Variants in SGCG observed in about 807,000 individuals in gnomAD.
The protein encoded by SGCG is sarcoglycan gamma.
Under a neutral mutation model 29.3 loss-of-function variants are expected in SGCG, and 26 were observed. That is an observed-to-expected ratio of 0.89 (90% confidence interval 0.65 to 1.23). SGCG has a LOEUF of 1.23. Ranked by LOEUF, SGCG falls within the 50% of genes most tolerant of loss-of-function variation. The pLI is 0.00. For synonymous variants in SGCG, 145 were observed against 129.7 expected, an observed-to-expected ratio of 1.12 and a Z score of -0.80; for missense variants, 353 against 356.0, an observed-to-expected ratio of 0.99 and a Z score of 0.07.
chr13:23,172,710 G>A, the SGCG span, among the ~76,000 whole-genome samples: 2 of 152,198 alleles, frequency 1.3e-5, no homozygotes. Flanking sequence ...AGAGACTAAG[G>A]ATATGTAGGT....
At chr13:23,278,628 CTGAG>C (rs1881180903) in intron 4 of SGCG, among the ~76,000 whole-genome samples, 1 of 152,124 alleles carries the variant, frequency 6.6e-6, no homozygotes, top group South Asian at 2.1e-4. Flanking sequence ...GCGTGTGTAG[CTGAG>C]TGAGTGGGAG....
chr13:23,263,365 C>G (rs1030496873), intron 4 of SGCG, among the ~76,000 whole-genome samples: 2 of 151,982 alleles, frequency 1.3e-5, no homozygotes, highest in African/African-American at 4.8e-5. Context: ...TGCACACAAA[C>G]TAGAAAATCT....
chr13:23,245,715 C>T (rs537078368), intron 3 of SGCG: 20 of 152,244 alleles, frequency 1.3e-4, no homozygotes, highest in South Asian at 4.2e-4. Flanking sequence ...AATCCAAAAG[C>T]GACTTAGCAA....
intron 3 of SGCG, chr13:23,246,758 G>A (rs987615134): frequency 2.3e-5 from 5 of 213,724 alleles, no homozygotes; most frequent in East Asian, 1.1e-4. Context: ...GCAGCTGGCC[G>A]TCTCTCTTAA....
At chr13:23,324,300 A>G in intron 7 of SGCG, 68 bp from the exon 8 acceptor site, 2 of 1,444,348 alleles carry the variant, frequency 1.4e-6, no homozygotes, top group Non-Finnish European at 1.9e-6. Context: ...ATCTTGTGAG[A>G]ATGGGGATTT....
At chr13:23,199,910 A>G (rs1430584015) in intron 1 of SGCG, among the ~76,000 whole-genome samples, 1 of 152,156 alleles carries the variant, frequency 6.6e-6, no homozygotes, top group East Asian at 1.9e-4. Flanking sequence ...GGGGGACTCA[A>G]GAGCCAAAGA....
upstream of SGCG, among the ~76,000 whole-genome samples, chr13:23,176,075 T>A (rs1167467704): frequency 3.3e-5 from 5 of 152,210 alleles, no homozygotes; most frequent in South Asian, 1.0e-3. Flanking sequence ...AGTTTGTTAC[T>A]TACAAAATAA....
chr13:23,198,347 C>G (rs1199006118), intron 1 of SGCG, among the ~76,000 whole-genome samples: 2 of 152,170 alleles, frequency 1.3e-5, no homozygotes, highest in Non-Finnish European at 2.9e-5. Context: ...ATATTATATG[C>G]TATGACAATA....
chr13:23,311,200 T>C lies in SGCG; in HGVS notation c.579-9437T>C, dbSNP rs571684326. Among the ~76,000 whole-genome samples, 9 of 152,326 alleles carry C rather than the reference T, an allele frequency of 5.9e-5. No individual in the cohort carries two copies. In the South Asian group the frequency reaches 1.7e-3, roughly 28 times the overall value. ...TAAAATATATTACTCATTAGTGCAC[T>C]TTTGATTCTTTAGAGATCATGTGAT... On this transcript the variant is annotated intron_variant, in intron 6 of 7. Transcript: ENST00000218867.
intron 6 of SGCG, among the ~76,000 whole-genome samples, chr13:23,310,776 C>T (rs574002463): frequency 6.6e-6 from 1 of 151,950 alleles, no homozygotes; most frequent in Non-Finnish European, 1.5e-5. Flanking sequence ...CAATGATTGT[C>T]TTTTGTTTAT....
chr13:23,220,727 T>C (rs1878625559), intron 2 of SGCG, among the ~76,000 whole-genome samples: 1 of 152,148 alleles, frequency 6.6e-6, no homozygotes, highest in African/African-American at 2.4e-5. Flanking sequence ...AACAAGAAAA[T>C]TCATGTCCAG....
intron 5 of SGCG, among the ~76,000 whole-genome samples, chr13:23,285,900 C>T (rs186829318): frequency 2.0e-5 from 3 of 152,314 alleles, no homozygotes; most frequent in Admixed American, 2.0e-4. Context: ...AGTGAGGCAA[C>T]ACCCCACCCT....
At chr13:23,221,851 G>A (rs1202436703) in intron 2 of SGCG, among the ~76,000 whole-genome samples, 1 of 152,170 alleles carries the variant, frequency 6.6e-6, no homozygotes, top group Non-Finnish European at 1.5e-5. Flanking sequence ...AATAGTCAGG[G>A]ACCAGATGTA....
At chr13:23,318,062 T>C (rs1189308296) in intron 6 of SGCG, among the ~76,000 whole-genome samples, 2 of 152,320 alleles carry the variant, frequency 1.3e-5, no homozygotes, top group Middle Eastern at 3.4e-3. Context: ...CCCTCGAACA[T>C]TGGACTCCAA....
chr13:23,229,436 C>T (rs1237800041), intron 2 of SGCG, among the ~76,000 whole-genome samples: 2 of 152,154 alleles, frequency 1.3e-5, no homozygotes, highest in African/African-American at 4.8e-5. Context: ...TAAGTGTTTG[C>T]TATTTCTCTG....
intron 5 of SGCG, among the ~76,000 whole-genome samples, chr13:23,279,685 T>C (rs1881228172): frequency 7.1e-6 from 1 of 141,354 alleles, no homozygotes; most frequent in African/African-American, 2.6e-5. Context: ...CCCACCCTTC[T>C]TCCATCACAG....
At chr13:23,210,543 T>C (rs1878154344) in intron 2 of SGCG, among the ~76,000 whole-genome samples, 1 of 151,994 alleles carries the variant, frequency 6.6e-6, no homozygotes, top group Non-Finnish European at 1.5e-5. Context: ...TACAAAACAT[T>C]AGCCGGGCGT....
intron 3 of SGCG, chr13:23,246,959 T>G (rs1377737539): frequency 6.5e-6 from 1 of 153,400 alleles, no homozygotes; most frequent in East Asian, 1.9e-4. Context: ...ACTCTTCTGC[T>G]GAGCAAGCCC....
At chr13:23,240,848 C>T (rs1341303895) in intron 3 of SGCG, among the ~76,000 whole-genome samples, 1 of 151,990 alleles carries the variant, frequency 6.6e-6, no homozygotes, top group Non-Finnish European at 1.5e-5. Context: ...GCATTAAATG[C>T]CTATATTAAA....
Sources: gnomAD v4.1 joint callset for allele counts (sites outside exome capture counted in the v4.1 genomes callset) on GRCh38, gnomAD v4.1.1 for gene constraint, MANE v1.5 for transcripts, NCBI Gene and HGNC (gene_info 2026-07-23, HGNC 2026-07-21) for gene names.